LARGE1: variants seen among roughly 807,000 people sequenced by gnomAD.
The protein encoded by LARGE1 is xylosyl- and glucuronyltransferase LARGE1.
LARGE1 carries 43 observed loss-of-function variants against 87.6 expected under a neutral mutation model. That is an observed-to-expected ratio of 0.49 (90% confidence interval 0.38 to 0.63). The LOEUF (loss-of-function observed/expected upper bound fraction) is 0.63, where lower values mean the gene tolerates loss of function less well. Ranked by LOEUF, LARGE1 falls within the 30% of genes least tolerant of loss-of-function variation. The probability of loss-of-function intolerance (pLI) is 0.00; values close to 1 mark genes in which losing one functional copy is unlikely to be tolerated. For synonymous variants in LARGE1, 434 were observed against 394.6 expected (o/e 1.10, Z -1.18); for missense variants, 802 against 1,000.2 (o/e 0.80, Z 2.67).
intron 11 of LARGE1, among the ~76,000 whole-genome samples, chr22:33,169,041 ACC>A (rs1397563201): frequency 6.6e-6 from 1 of 152,136 alleles, no homozygotes; most frequent in East Asian, 1.9e-4. Flanking sequence ...AAATTGCTTG[ACC>A]CACCACTGGA....
At chr22:33,874,396 A>G (rs1477813528) in intron 1 of LARGE1, among the ~76,000 whole-genome samples, 1 of 152,110 alleles carries the variant, frequency 6.6e-6, no homozygotes, top group African/African-American at 2.4e-5. Flanking sequence ...CTTTGATCTG[A>G]CCTCACAACT....
At chr22:33,483,260 A>C (rs1017916653) in intron 6 of LARGE1, among the ~76,000 whole-genome samples, 2 of 152,184 alleles carry the variant, frequency 1.3e-5, no homozygotes, top group Non-Finnish European at 2.9e-5. Flanking sequence ...AGAGGACCCC[A>C]ATACGGGCTT....
intron 11 of LARGE1, among the ~76,000 whole-genome samples, chr22:33,171,471 C>A (rs1391011567): frequency 6.6e-6 from 1 of 152,212 alleles, no homozygotes; most frequent in East Asian, 1.9e-4. Context: ...CCATCACAGG[C>A]CTAGATGCCT....
At chr22:33,162,511 G>A (rs528407479) in exon 12 of LARGE1, 14 of 152,184 alleles carry the variant, frequency 9.2e-5, no homozygotes, top group Admixed American at 1.3e-4. Context: ...ATGAGATCTG[G>A]GTGAGAACAT....
chr22:33,333,593 C>T (rs1938028100), intron 10 of LARGE1, among the ~76,000 whole-genome samples: 1 of 152,194 alleles, frequency 6.6e-6, no homozygotes, highest in South Asian at 2.1e-4. Flanking sequence ...CTTCCCTTTA[C>T]TTGGTGGTAA....
intron 6 of LARGE1, among the ~76,000 whole-genome samples, chr22:33,432,730 G>C (rs2067124557): frequency 6.6e-6 from 1 of 152,184 alleles, no homozygotes; most frequent in Non-Finnish European, 1.5e-5. Context: ...AATGGACTGG[G>C]ATTGGTTTCT....
At chr22:33,589,530 AAT>A (rs2078776526) in intron 5 of LARGE1, among the ~76,000 whole-genome samples, 1 of 152,122 alleles carries the variant, frequency 6.6e-6, no homozygotes, top group African/African-American at 2.4e-5. Flanking sequence ...AATGAAAATT[AAT>A]ATTTGTTTAC....
chr22:33,646,092 T>C (rs1348447771), intron 3 of LARGE1, among the ~76,000 whole-genome samples: 1 of 152,166 alleles, frequency 6.6e-6, no homozygotes, highest in Non-Finnish European at 1.5e-5. Flanking sequence ...ACTGGGTATA[T>C]ACCCAAAGGA....
chr22:33,348,289 C>CCCAAAAA (rs1569081859), intron 9 of LARGE1, among the ~76,000 whole-genome samples: 4 of 124,054 alleles, frequency 3.2e-5, no homozygotes, highest in African/African-American at 6.1e-5. Flanking sequence ...CACCCCCCCC[C>CCCAAAAA]AAAAAAAAAG....
At chr22:33,346,262 TC>T (rs1316992485) in intron 9 of LARGE1, among the ~76,000 whole-genome samples, 1 of 127,280 alleles carries the variant, frequency 7.9e-6, no homozygotes, top group Non-Finnish European at 1.9e-5. Flanking sequence ...CTCTCTTCTC[TC>T]TCTCTCTCTT....
At chr22:33,248,918 A>G (rs558309713) in intron 11 of LARGE1, among the ~76,000 whole-genome samples, 1 of 152,204 alleles carries the variant, frequency 6.6e-6, no homozygotes, top group Admixed American at 6.5e-5. Flanking sequence ...ATAATATCCC[A>G]TTGTCAGGAT....
At chr22:33,244,081 T>G (rs1180207840) in intron 11 of LARGE1, among the ~76,000 whole-genome samples, 1 of 152,046 alleles carries the variant, frequency 6.6e-6, no homozygotes, top group Admixed American at 6.6e-5. Flanking sequence ...CTCCGCCTCC[T>G]GGGTTCATGC....
intron 11 of LARGE1, among the ~76,000 whole-genome samples, chr22:33,313,475 G>C (rs545197841): frequency 6.6e-6 from 1 of 152,144 alleles, no homozygotes; most frequent in African/African-American, 2.4e-5. Context: ...CCAGATTCCC[G>C]CCCCGCTGGC....
At chr22:33,255,885 T>C (rs1458128592) in intron 11 of LARGE1, among the ~76,000 whole-genome samples, 1 of 152,230 alleles carries the variant, frequency 6.6e-6, no homozygotes. Context: ...GAAGAGTCAG[T>C]TCCCGGGATC....
intron 6 of LARGE1, among the ~76,000 whole-genome samples, chr22:33,438,752 A>G (rs1307372712): frequency 6.6e-6 from 1 of 152,190 alleles, no homozygotes; most frequent in Non-Finnish European, 1.5e-5. Flanking sequence ...AGCATGATAA[A>G]TCAGGAAGAC....
chr22:33,237,653 G>A (rs945284515), intron 11 of LARGE1, among the ~76,000 whole-genome samples: 3 of 152,210 alleles, frequency 2.0e-5, no homozygotes, highest in Non-Finnish European at 2.9e-5. Context: ...ATAATAACGA[G>A]TTGTGATAAA....
At chr22:33,428,588 C>T (rs1488557038) in intron 7 of LARGE1, among the ~76,000 whole-genome samples, 11 of 145,164 alleles carry the variant, frequency 7.6e-5, no homozygotes, top group African/African-American at 2.3e-4. Context: ...GCTGAGATTA[C>T]AGGCGTGAGC....
chr22:33,759,763 A>G (rs534061924), intron 2 of LARGE1, among the ~76,000 whole-genome samples: 1 of 152,100 alleles, frequency 6.6e-6, no homozygotes, highest in Non-Finnish European at 1.5e-5. Context: ...CTTTTCCATG[A>G]TCTCTGGGAG....
At chr22:33,879,913 C>T (rs1957366187) in intron 1 of LARGE1, among the ~76,000 whole-genome samples, 1 of 152,156 alleles carries the variant, frequency 6.6e-6, no homozygotes, top group African/African-American at 2.4e-5. Flanking sequence ...TAATAAGCAA[C>T]CAGCTCATCT....
Sources: gnomAD v4.1 joint callset for allele counts (sites outside exome capture counted in the v4.1 genomes callset) on GRCh38, gnomAD v4.1.1 for gene constraint, MANE v1.5 for transcripts, NCBI Gene and HGNC (gene_info 2026-07-23, HGNC 2026-07-21) for gene names.